METTL15: variants seen among roughly 807,000 people sequenced by gnomAD.
METTL15 encodes the protein 12S rRNA N(4)-cytidine methyltransferase METTL15.
In METTL15, 34 loss-of-function variants were observed where a neutral mutation model predicts 38.3. The ratio of observed to expected loss-of-function variants is 0.89; its 90% CI spans 0.68 to 1.18. The LOEUF is 1.18. Ranked by LOEUF, METTL15 falls within the 50% of genes most tolerant of loss-of-function variation. The probability of loss-of-function intolerance (pLI) is 0.00; values close to 1 mark genes in which losing one functional copy is unlikely to be tolerated. For missense variants in METTL15, 438 were observed against 498.4 expected (o/e 0.88, Z 1.15); for synonymous variants, 162 against 170.9 (o/e 0.95, Z 0.41).
chr11:28,269,705 A>T (rs1855567668), intron 4 of METTL15, among the ~76,000 whole-genome samples: 1 of 152,194 alleles, frequency 6.6e-6, no homozygotes, highest in Non-Finnish European at 1.5e-5. Context: ...TTTTGTACAC[A>T]TTTAGTATAA....
intron 5 of METTL15, among the ~76,000 whole-genome samples, chr11:28,413,035 A>G (rs562233402): frequency 6.6e-6 from 1 of 152,188 alleles, no homozygotes; most frequent in African/African-American, 2.4e-5. Flanking sequence ...ATCATTTGTA[A>G]ACTTCAACTA....
intron 6 of METTL15, among the ~76,000 whole-genome samples, chr11:28,433,416 T>C (rs975996087): frequency 1.3e-5 from 2 of 152,210 alleles, no homozygotes; most frequent in Non-Finnish European, 2.9e-5. Flanking sequence ...GTTTGAACTT[T>C]GACTCCATTG....
chr11:28,498,586 T>A (rs1851555727), intron 6 of METTL15, among the ~76,000 whole-genome samples: 1 of 152,212 alleles, frequency 6.6e-6, no homozygotes, highest in Non-Finnish European at 1.5e-5. Context: ...ATCTCCCTCC[T>A]ACCCCTATTT....
chr11:28,433,527 T>C (rs542950060), intron 6 of METTL15, among the ~76,000 whole-genome samples: 49 of 152,334 alleles, frequency 3.2e-4, no homozygotes, highest in South Asian at 1.9e-3. Context: ...TTTCCAAGGA[T>C]ACTGTAAAAA....
chr11:28,234,196 C>T (rs534362005), intron 4 of METTL15, among the ~76,000 whole-genome samples: 1 of 152,040 alleles, frequency 6.6e-6, no homozygotes, highest in Non-Finnish European at 1.5e-5. Context: ...TCTTAATCCA[C>T]TCTATCATTG....
rs946049853 is a variant in METTL15 at position 28,434,164 on chromosome 11, C to T, written c.*424+9800C>T. 2.0e-5 allele frequency among the ~76,000 whole-genome samples: 3 copies of T among 152,096 alleles called. No individual in the cohort carries two copies. In the East Asian group the frequency reaches 5.8e-4, roughly 29 times the overall value. On this transcript the variant is annotated intron_variant and NMD_transcript_variant, in intron 6 of 7. Coordinates refer to the METTL15 transcript ENST00000532947. ...GTTCTTGTGATAGTGAGTTAGTTCT[C>T]ACGAGATCTGGTGGTTTTATAAGGG...
chr11:28,235,625 A>G (rs1278499621), intron 4 of METTL15, among the ~76,000 whole-genome samples: 1 of 152,152 alleles, frequency 6.6e-6, no homozygotes, highest in East Asian at 1.9e-4. Context: ...ATTAGTGTGT[A>G]AGAATGCTTG....
intron 5 of METTL15, among the ~76,000 whole-genome samples, chr11:28,404,025 T>C (rs543276034): frequency 2.6e-5 from 4 of 152,198 alleles, no homozygotes; most frequent in African/African-American, 9.6e-5. Flanking sequence ...AGCTTTAGTT[T>C]GTGGCTTTTT....
chr11:28,330,350 T>G, intron 6 of METTL15, 46 bp from the exon 7 acceptor site: 1 of 1,427,886 alleles, frequency 7.0e-7, no homozygotes. Flanking sequence ...TGAAAAATAT[T>G]AATGTTACCG....
At chr11:28,462,435 C>A (rs1305049703) in intron 6 of METTL15, among the ~76,000 whole-genome samples, 1 of 150,914 alleles carries the variant, frequency 6.6e-6, no homozygotes, top group Non-Finnish European at 1.5e-5. Context: ...AGAAATAGGC[C>A]AACCACACAT....
At chr11:28,335,108 T>C (rs1849888987), downstream of METTL15, among the ~76,000 whole-genome samples, 1 of 152,184 alleles carries the variant, frequency 6.6e-6, no homozygotes, top group East Asian at 1.9e-4. Context: ...TGAATAATTA[T>C]TTCTGTTCGT....
In METTL15 at chr11:28,410,116, A is replaced by T. The variant is rs183912203; in HGVS notation, c.*359-14183A>T. On this transcript the variant is annotated intron_variant and NMD_transcript_variant, in intron 5 of 7. Coordinates refer to the METTL15 transcript ENST00000532947. ...AATAACAAATAAAGAGATTGAAGAG[A>T]TAACTAAAAACCTTCCAACAAAGAA... Among the ~76,000 whole-genome samples the T allele has an allele frequency of 3.0e-3, 451 of 152,288 alleles. 5 individuals are homozygous for T. The highest frequency in any genetic ancestry group is 0.01 in the African/African-American group (436 of 41,570).
chr11:28,231,984 G>T (rs925463091), intron 4 of METTL15, among the ~76,000 whole-genome samples: 14 of 151,954 alleles, frequency 9.2e-5, no homozygotes, highest in African/African-American at 3.4e-4. Context: ...TAAATGAATG[G>T]ATGATGATTT....
intron 5 of METTL15, among the ~76,000 whole-genome samples, chr11:28,389,710 A>T (rs1017439319): frequency 9.6e-4 from 146 of 151,680 alleles, no homozygotes; most frequent in Non-Finnish European, 5.7e-4. Context: ...ATGTGTCTTT[A>T]TAGCAGCATG....
At chr11:28,473,948 C>G (rs1041619090) in intron 6 of METTL15, among the ~76,000 whole-genome samples, 3 of 151,864 alleles carry the variant, frequency 2.0e-5, no homozygotes, top group African/African-American at 7.3e-5. Context: ...TTCCCATACC[C>G]CAGGGCAGAA....
chr11:28,397,153 G>C (rs1457721864), intron 5 of METTL15, among the ~76,000 whole-genome samples: 1 of 151,996 alleles, frequency 6.6e-6, no homozygotes, highest in Admixed American at 6.6e-5. Flanking sequence ...AGAAAACCTA[G>C]GCAATACCAT....
intron 5 of METTL15, among the ~76,000 whole-genome samples, chr11:28,392,796 C>G (rs1454416782): frequency 2.0e-5 from 3 of 151,864 alleles, no homozygotes; most frequent in African/African-American, 7.3e-5. Context: ...AGATCTACAA[C>G]TGAACAAAAA....
chr11:28,425,926 G>A (rs1212345688), intron 6 of METTL15, among the ~76,000 whole-genome samples: 1 of 152,112 alleles, frequency 6.6e-6, no homozygotes. Context: ...CACAATGCAT[G>A]ACTTTGGGCA....
intron 3 of METTL15, among the ~76,000 whole-genome samples, chr11:28,168,354 A>G (rs1460258563): frequency 6.6e-6 from 1 of 152,056 alleles, no homozygotes; most frequent in Non-Finnish European, 1.5e-5. Context: ...AAAAAAACCT[A>G]TAAAGATCAG....
Sources: gnomAD v4.1 joint callset for allele counts (sites outside exome capture counted in the v4.1 genomes callset) on GRCh38, gnomAD v4.1.1 for gene constraint, MANE v1.5 for transcripts, NCBI Gene and HGNC (gene_info 2026-07-23, HGNC 2026-07-21) for gene names.